Variants in ARRB1 observed in about 807,000 individuals in gnomAD.
ARRB1 encodes arrestin beta 1, also known as beta-arrestin-1.
ARRB1 carries 21 observed loss-of-function variants against 56.8 expected under a neutral mutation model. The observed-to-expected ratio is 0.37, with a 90% CI of 0.26 to 0.53. The LOEUF (loss-of-function observed/expected upper bound fraction) is 0.53. Ranked by LOEUF, ARRB1 falls within the 20% of genes least tolerant of loss-of-function variation. ARRB1 has a pLI of 0.88. For missense variants in ARRB1, 424 were observed against 553.7 expected (o/e 0.77, Z 2.35); for synonymous variants, 210 against 218.6 (o/e 0.96, Z 0.35).
At chr11:75,313,563 A>C (rs1252271536) in intron 1 of ARRB1, among the ~76,000 whole-genome samples, 1 of 152,180 alleles carries the variant, frequency 6.6e-6, no homozygotes, top group African/African-American at 2.4e-5. Context: ...GCCCTTCCAG[A>C]TCCCGTGACT....
rs993529770 is a variant in ARRB1, at chr11:75,261,849, T to C, written c.*4314A>G. 1.3e-5 allele frequency: 2 copies of C among 152,202 alleles called. No individual in the cohort carries two copies. Among genetic ancestry groups the C allele is most frequent in the Admixed American group, 6.5e-5 (1 of 15,284 alleles). 9.4% of individuals were successfully genotyped at this position (152,202 alleles called of 1,614,324 possible). ...AGGAGTGTTTTGGTCCTTTTGAGTT[T>C]AAAAAATTATAGATATCAGAACAGG... On this transcript the variant is annotated 3_prime_UTR_variant, in exon 16 of 16. Coordinates refer to ENST00000420843, the MANE Select transcript of ARRB1 (RefSeq NM_004041.5).
At chr11:75,332,258 A>G (rs1947533885) in intron 1 of ARRB1, among the ~76,000 whole-genome samples, 1 of 152,200 alleles carries the variant, frequency 6.6e-6, no homozygotes, top group African/African-American at 2.4e-5. Context: ...ATTGCGAGAT[A>G]AGGAAGAAAA....
intron 14 of ARRB1, 74 bp from the exon 15 acceptor site, chr11:75,267,777 C>T: frequency 7.5e-7 from 1 of 1,340,812 alleles, no homozygotes; most frequent in Non-Finnish European, 1.1e-6. Flanking sequence ...AAGCACAGGC[C>T]CCCACCCTGG....
At position 75,338,036 on chromosome 11, in the gene ARRB1, A is replaced by G. The variant is rs556092781; in HGVS notation, c.20+13552T>C. Among the ~76,000 whole-genome samples the G allele has an allele frequency of 4.9e-4, 75 of 152,276 alleles. 1 individual carries two copies. The South Asian group carries it at 0.015, about 30-fold the overall frequency. ...GCTTGAGCAAAGGCACAGAGGCGTG[A>G]AAAGTACAAAGACTGTTGAGGAAGA... On this transcript the variant is annotated intron_variant, in intron 1 of 15. Transcript: ENST00000420843.
intron 2 of ARRB1, among the ~76,000 whole-genome samples, chr11:75,288,956 A>G (rs576797610): frequency 1.3e-5 from 2 of 152,330 alleles, no homozygotes; most frequent in South Asian, 4.1e-4. Context: ...TCAGTGTCCA[A>G]AAATAAGGAT....
chr11:75,271,544 G>C, intron 13 of ARRB1, 157 bp downstream of exon 13: 1 of 758,242 alleles, frequency 1.3e-6, no homozygotes, highest in East Asian at 3.0e-5. Context: ...GTTTGTTAAG[G>C]AGAAATTGTG....
chr11:75,308,691 G>A (rs1947087476), intron 1 of ARRB1, among the ~76,000 whole-genome samples: 1 of 151,770 alleles, frequency 6.6e-6, no homozygotes, highest in African/African-American at 2.4e-5. Context: ...GTTGCAGTGA[G>A]CCAAGATAGC....
intron 10 of ARRB1, chr11:75,274,414 T>G: frequency 1.7e-6 from 1 of 591,946 alleles, no homozygotes; most frequent in Non-Finnish European, 3.0e-6. Flanking sequence ...ATCTACATTC[T>G]ACGCACAAAC....
At chr11:75,313,805 C>G (rs1947213727) in intron 1 of ARRB1, among the ~76,000 whole-genome samples, 1 of 152,178 alleles carries the variant, frequency 6.6e-6, no homozygotes, top group Non-Finnish European at 1.5e-5. Flanking sequence ...CCCAAGTTCT[C>G]CCAGCTAGTA....
At chr11:75,332,819 CG>C (rs992524581) in intron 1 of ARRB1, among the ~76,000 whole-genome samples, 1 of 151,918 alleles carries the variant, frequency 6.6e-6, no homozygotes, top group African/African-American at 2.4e-5. Context: ...CACTTGAACC[CG>C]GGAGGCGGAG....
At chr11:75,288,849 T>C (rs1045335599) in intron 2 of ARRB1, among the ~76,000 whole-genome samples, 4 of 152,140 alleles carry the variant, frequency 2.6e-5, no homozygotes, top group African/African-American at 7.2e-5. Flanking sequence ...CACCTTGGCC[T>C]CCCAAAGTGC....
chr11:75,335,167 C>T, intron 1 of ARRB1: 1 of 248,036 alleles, frequency 4.0e-6, no homozygotes, highest in Non-Finnish European at 9.4e-6. Context: ...GCCCTGCCTC[C>T]AGCCCAACAG....
At chr11:75,323,068 G>A (rs1416836266) in intron 1 of ARRB1, among the ~76,000 whole-genome samples, 5 of 152,204 alleles carry the variant, frequency 3.3e-5, no homozygotes, top group Non-Finnish European at 5.9e-5. Flanking sequence ...AGCAATGAGA[G>A]AGAAAGAGAA....
intron 1 of ARRB1, among the ~76,000 whole-genome samples, chr11:75,325,723 G>A (rs1020264924): frequency 1.3e-5 from 2 of 152,148 alleles, no homozygotes; most frequent in African/African-American, 4.8e-5. Flanking sequence ...GAACAGGTAG[G>A]GGCTGAGGCC....
chr11:75,279,093 T>A (rs889814216), intron 7 of ARRB1, among the ~76,000 whole-genome samples: 1 of 152,242 alleles, frequency 6.6e-6, no homozygotes, highest in Admixed American at 6.5e-5. Context: ...ATAGTGTCCC[T>A]CTGTCATCTA....
intron 1 of ARRB1, among the ~76,000 whole-genome samples, chr11:75,321,710 C>G (rs1481775784): frequency 6.6e-6 from 1 of 152,216 alleles, no homozygotes; most frequent in Non-Finnish European, 1.5e-5. Context: ...GTGCCCACCC[C>G]ATCAGGTTGT....
chr11:75,351,465 G>A (rs1947850260), intron 1 of ARRB1, 123 bp downstream of exon 1: 2 of 1,400,386 alleles, frequency 1.4e-6, no homozygotes, highest in South Asian at 1.3e-5. Context: ...GGGTGGAGGA[G>A]AGCTGGTACT....
intron 1 of ARRB1, among the ~76,000 whole-genome samples, chr11:75,312,574 C>A (rs1464611653): frequency 6.6e-6 from 1 of 152,126 alleles, no homozygotes; most frequent in Non-Finnish European, 1.5e-5. Flanking sequence ...ATCACCAGAG[C>A]TGTGGCTGTG....
In ARRB1 at chr11:75,311,993, C is replaced by T. The variant is rs539354318; in HGVS notation, c.21-21954G>A. On this transcript the variant is annotated intron_variant, in intron 1 of 15. Coordinates refer to ENST00000420843, the MANE Select transcript of ARRB1 (RefSeq NM_004041.5). Reference sequence around the variant, plus strand: ...CCTGGGCCGAGGGGCTGGGAAAAAGCTGACCGTTCTCGAAGGCCCAGATCG... The same window carrying T: ...CCTGGGCCGAGGGGCTGGGAAAAAGTTGACCGTTCTCGAAGGCCCAGATCG... 3.3e-5 allele frequency: 42 copies of T among 1,268,104 alleles called. No homozygotes were observed. The African/African-American group carries it at 6.0e-4, about 18-fold the overall frequency. 78.6% of individuals were successfully genotyped at this position (1,268,104 alleles called of 1,614,324 possible). A position where few individuals can be genotyped will look rare whatever the true frequency, so the allele number is the denominator to read the frequency against.
Sources: gnomAD v4.1 joint callset for allele counts (sites outside exome capture counted in the v4.1 genomes callset) on GRCh38, gnomAD v4.1.1 for gene constraint, MANE v1.5 for transcripts, NCBI Gene and HGNC (gene_info 2026-07-23, HGNC 2026-07-21) for gene names.